Variants in ITPR1 observed in about 807,000 individuals in gnomAD.
ITPR1 encodes the protein inositol 1,4,5-trisphosphate-gated calcium channel ITPR1.
A neutral mutation model predicts 318.4 loss-of-function variants in ITPR1; 96 were observed. The observed-to-expected ratio is 0.30, with a 90% CI of 0.26 to 0.36. The LOEUF (loss-of-function observed/expected upper bound fraction) is 0.36, where lower values mean the gene tolerates loss of function less well. Among genes scored for constraint, ITPR1 ranks in the 10% least tolerant of loss-of-function variants. ITPR1 has a pLI of 1.00. For missense variants in ITPR1, 2,440 were observed against 3,460.2 expected, an observed-to-expected ratio of 0.71 and a Z score of 7.40; for synonymous variants, 1,312 against 1,289.9, an observed-to-expected ratio of 1.02 and a Z score of -0.37.
chr3:4,533,634 G>A (rs2083602054), intron 4 of ITPR1, among the ~76,000 whole-genome samples: 1 of 152,198 alleles, frequency 6.6e-6, no homozygotes, highest in African/African-American at 2.4e-5. Flanking sequence ...ACATCGATAT[G>A]TCCGTTTTAA....
intron 31 of ITPR1, among the ~76,000 whole-genome samples, chr3:4,690,444 TAA>T (rs1177103012): frequency 6.6e-6 from 1 of 152,196 alleles, no homozygotes; most frequent in Admixed American, 6.5e-5. Context: ...GGCTAAAATT[TAA>T]AAGACTGACA....
At chr3:4,583,740 G>T (rs988267588) in intron 4 of ITPR1, among the ~76,000 whole-genome samples, 6 of 152,260 alleles carry the variant, frequency 3.9e-5, no homozygotes, top group East Asian at 1.9e-4. Flanking sequence ...CTAGTTCTGC[G>T]CTGGGAACTT....
At chr3:4,707,521 C>T (rs1321745319) in intron 37 of ITPR1, among the ~76,000 whole-genome samples, 1 of 152,160 alleles carries the variant, frequency 6.6e-6, no homozygotes, top group Non-Finnish European at 1.5e-5. Flanking sequence ...GACCTAGTTT[C>T]AGAAGTCACA....
intron 4 of ITPR1, among the ~76,000 whole-genome samples, chr3:4,558,899 C>T (rs938694263): frequency 2.6e-5 from 4 of 151,740 alleles, no homozygotes; most frequent in East Asian, 1.9e-4. Flanking sequence ...TACTTCCAAA[C>T]GCATCTCAGG....
At chr3:4,624,594 C>T (rs553862590) in intron 4 of ITPR1, among the ~76,000 whole-genome samples, 88 of 145,480 alleles carry the variant, frequency 6.0e-4, no homozygotes, top group Non-Finnish European at 1.0e-3. Flanking sequence ...CACTTGAACC[C>T]GGGAGGCAGA....
rs753211753 is a variant in ITPR1, at chr3:4,766,652, C to T, written c.5667C>T (p.Asp1889=). The T allele has an allele frequency of 6.2e-7, 1 of 1,612,794 alleles. No homozygotes were observed. Among genetic ancestry groups the T allele is most frequent in the Non-Finnish European group, 8.5e-7 (1 of 1,179,368 alleles). The change falls in exon 45 of 62, where the codon GAC becomes GAT. Residue 1889 remains aspartate, a synonymous_variant. Transcript: ENST00000649015. Reference sequence around the variant, plus strand: ...CAACAGTGACAGTGAACACCAGTGACTTGGGAAATAAAAAGAAAGACGATG... The same window carrying T: ...CAACAGTGACAGTGAACACCAGTGATTTGGGAAATAAAAAGAAAGACGATG... ...IKATVTVNTS[D]LGNKKKDDEV...
intron 6 of ITPR1, 55 bp from the exon 7 acceptor site, chr3:4,642,038 T>A (rs1201582955): frequency 2.2e-6 from 3 of 1,394,578 alleles, no homozygotes; most frequent in East Asian, 2.5e-5. Flanking sequence ...AGAGAAGGAA[T>A]GGTAGAAAAT....
chr3:4,683,521 G>C lies in ITPR1; in HGVS notation c.3297G>C (p.Gln1099His). The C allele has an allele frequency of 6.2e-7, 1 of 1,614,038 alleles. No individual in the cohort carries two copies. The highest frequency in any genetic ancestry group is 1.3e-5 in the African/African-American group (1 of 75,080). The stretch of plus-strand genomic sequence containing the variant: ...AGCTCCTCTTCCGGCACTTCAGCCA[G>C]AGGCAGGAGGTGCTCCAGGCCTTCA... ...ALQLLFRHFS[Q>H]RQEVLQAFKQ... The change falls in exon 27 of 62, where the codon CAG becomes CAC. Residue 1099 changes from glutamine (Q) to histidine (H), a missense_variant. By Grantham distance (24) the Gln-to-His change is conservative (BLOSUM62 0). This residue lies in a region of ITPR1 where 76 missense variants were observed against 132.2 expected (regional missense o/e 0.58). Coordinates refer to ENST00000649015, the MANE Select transcript of ITPR1 (RefSeq NM_001378452.1).
Position 4,677,825 on chromosome 3 carries a change from G to A in ITPR1, c.2967+1024G>A, listed in dbSNP as rs79662746. ...CTGTTTGGGGAGAGAATAATTGTAA[G>A]AGCAAAGTCCTTCTGTAGGCAAGCG... On this transcript the variant is annotated intron_variant, in intron 24 of 61. Coordinates refer to ENST00000649015, the MANE Select transcript of ITPR1 (RefSeq NM_001378452.1). Among the ~76,000 whole-genome samples, 1,070 of 151,958 alleles carry A rather than the reference G, an allele frequency of 7.0e-3. 12 individuals are homozygous for A. Among genetic ancestry groups the A allele is most frequent in the African/African-American group, 0.024 (987 of 41,434 alleles).
chr3:4,813,029 C>A, intron 56 of ITPR1, 113 bp from the exon 57 acceptor site: 1 of 789,046 alleles, frequency 1.3e-6, no homozygotes, highest in Non-Finnish European at 2.2e-6. Context: ...ATGCAAGATT[C>A]TAGGGTGTTA....
Position 4,688,185 on chromosome 3 carries a change from G to A in ITPR1, c.3703-310G>A, listed in dbSNP as rs138529808. On this transcript the variant is annotated intron_variant, in intron 30 of 61. Coordinates refer to ENST00000649015, the MANE Select transcript of ITPR1 (RefSeq NM_001378452.1). ...AGGTATGAGCCACTGTGCCCAGCCCGTCCCTGTCTTTAGAAGTAGGGGGTT... is the reference window on the plus strand; with the variant it reads ...AGGTATGAGCCACTGTGCCCAGCCCATCCCTGTCTTTAGAAGTAGGGGGTT... 3.9e-4 allele frequency among the ~76,000 whole-genome samples: 59 copies of A among 152,184 alleles called. No homozygotes were observed. In the Middle Eastern group the frequency reaches 0.01, roughly 26 times the overall value.
chr3:4,524,148 G>A (rs2082781064), intron 4 of ITPR1, among the ~76,000 whole-genome samples: 1 of 152,174 alleles, frequency 6.6e-6, no homozygotes, highest in African/African-American at 2.4e-5. Flanking sequence ...TAAACCAGAG[G>A]TCCCCTGCAC....
At chr3:4,758,515 T>G (rs1336234078) in intron 44 of ITPR1, among the ~76,000 whole-genome samples, 1 of 152,230 alleles carries the variant, frequency 6.6e-6, no homozygotes, top group East Asian at 1.9e-4. Context: ...ACCATGATCC[T>G]TGGACTGCAA....
intron 54 of ITPR1, among the ~76,000 whole-genome samples, chr3:4,803,133 C>A (rs771519713): frequency 3.3e-5 from 5 of 152,142 alleles, no homozygotes; most frequent in African/African-American, 1.2e-4. Context: ...CAGGAGGAAG[C>A]GGATGGGGAG....
At chr3:4,629,064 C>G (rs7610405) in intron 5 of ITPR1, among the ~76,000 whole-genome samples, 5 of 152,060 alleles carry the variant, frequency 3.3e-5, no homozygotes, top group South Asian at 2.1e-4. Flanking sequence ...ATGAGGACAC[C>G]TAAGCTCACT....
At chr3:4,614,972 C>A (rs57907751) in intron 4 of ITPR1, among the ~76,000 whole-genome samples, 1 of 152,098 alleles carries the variant, frequency 6.6e-6, no homozygotes, top group Non-Finnish European at 1.5e-5. Context: ...ACAACAGAAA[C>A]TGACTAACAT....
chr3:4,641,694 T>C (rs1055742072), intron 6 of ITPR1, among the ~76,000 whole-genome samples: 5 of 152,220 alleles, frequency 3.3e-5, no homozygotes, highest in Admixed American at 2.6e-4. Flanking sequence ...TTTTTTAAAC[T>C]GTTGCCTGTG....
chr3:4,635,172 C>G (rs2125141047), intron 5 of ITPR1, among the ~76,000 whole-genome samples: 1 of 152,286 alleles, frequency 6.6e-6, no homozygotes, highest in East Asian at 1.9e-4. Flanking sequence ...ATTTGCCATT[C>G]TGAAAAAAGT....
intron 4 of ITPR1, among the ~76,000 whole-genome samples, chr3:4,540,097 GTTT>G (rs2084289982): frequency 6.6e-6 from 1 of 151,542 alleles, no homozygotes; most frequent in Non-Finnish European, 1.5e-5. Context: ...TTGCCTTGTA[GTTT>G]TTAAGTTTTT....
Sources: allele counts gnomAD v4.1 joint callset (sites outside exome capture counted in the v4.1 genomes callset), GRCh38; gene constraint gnomAD v4.1.1; regional missense constraint gnomAD v4.1.1; transcripts MANE v1.5; gene names NCBI Gene and HGNC (gene_info 2026-07-23, HGNC 2026-07-21).